The following CEMIP variants were observed in gnomAD, a reference collection of about 807,000 sequenced individuals.
CEMIP encodes cell migration inducing hyaluronidase 1.
A neutral mutation model predicts 156.9 loss-of-function variants in CEMIP; 105 were observed. The ratio of observed to expected loss-of-function variants is 0.67; its 90% CI spans 0.57 to 0.79. CEMIP has a LOEUF of 0.79. Ranked by LOEUF, CEMIP falls within the 30% of genes least tolerant of loss-of-function variation. The pLI, the probability that CEMIP is intolerant of heterozygous loss-of-function variation, is 0.00. For missense variants in CEMIP, 1,457 were observed against 1,769.4 expected (o/e 0.82, Z 3.17); for synonymous variants, 676 against 668.4 (o/e 1.01, Z -0.17).
intron 12 of CEMIP, among the ~76,000 whole-genome samples, chr15:80,902,617 G>C (rs1265984248): frequency 6.6e-6 from 1 of 152,192 alleles, no homozygotes; most frequent in African/African-American, 2.4e-5. Flanking sequence ...AGACGGCTGT[G>C]GGACTGAAAT....
intron 1 of CEMIP, among the ~76,000 whole-genome samples, chr15:80,804,985 C>T (rs1366075688): frequency 6.6e-6 from 1 of 152,176 alleles, no homozygotes; most frequent in Non-Finnish European, 1.5e-5. Flanking sequence ...CACATGGCTG[C>T]ACGGAGAACT....
chr15:80,945,808 T>G (rs1180460362), intron 28 of CEMIP, among the ~76,000 whole-genome samples: 1 of 152,232 alleles, frequency 6.6e-6, no homozygotes, highest in Non-Finnish European at 1.5e-5. Context: ...AGGTGCTCAC[T>G]TCCTCCTATC....
At chr15:80,876,648 G>A (rs574871799) in intron 3 of CEMIP, among the ~76,000 whole-genome samples, 2 of 152,362 alleles carry the variant, frequency 1.3e-5, no homozygotes, top group East Asian at 1.9e-4. Context: ...CGGACACTAA[G>A]TGCCTGCACT....
At chr15:80,911,258 C>G (rs922858045) in intron 14 of CEMIP, among the ~76,000 whole-genome samples, 1 of 152,198 alleles carries the variant, frequency 6.6e-6, no homozygotes, top group Non-Finnish European at 1.5e-5. Context: ...GATGCAGTCA[C>G]ACCTTTCTCA....
intron 1 of CEMIP, among the ~76,000 whole-genome samples, chr15:80,866,189 G>A (rs1898121499): frequency 6.6e-6 from 1 of 152,146 alleles, no homozygotes; most frequent in African/African-American, 2.4e-5. Flanking sequence ...AGTCCGTGAG[G>A]GTGAATTTCT....
chr15:80,835,406 C>T (rs186475751), intron 1 of CEMIP, among the ~76,000 whole-genome samples: 151 of 152,318 alleles, frequency 9.9e-4, no homozygotes, highest in African/African-American at 3.4e-3. Flanking sequence ...CTAACCAGGC[C>T]CAAGACAGGG....
At chr15:80,895,740 A>G in intron 11 of CEMIP, 129 bp from the exon 12 acceptor site, 1 of 807,808 alleles carries the variant, frequency 1.2e-6, no homozygotes, top group Non-Finnish European at 2.1e-6. Context: ...GGAGCAAGCC[A>G]GTGATCTGGG....
At chr15:80,888,563 T>A (rs1434488256) in intron 8 of CEMIP, 138 bp from the exon 9 acceptor site, 1 of 687,560 alleles carries the variant, frequency 1.5e-6, no homozygotes, top group Non-Finnish European at 2.6e-6. Flanking sequence ...GTCCTAATTT[T>A]CTTTTATTTA....
At chr15:80,845,337 G>A (rs543599175) in intron 1 of CEMIP, among the ~76,000 whole-genome samples, 6 of 152,144 alleles carry the variant, frequency 3.9e-5, no homozygotes, top group East Asian at 1.9e-4. Flanking sequence ...AGGCTGAGGC[G>A]GGAGGATCTC....
rs559948152 is a variant in CEMIP at position 80,950,183 on chromosome 15, A to C, written c.*1259A>C. 1 of 152,380 alleles carries C rather than the reference A, an allele frequency of 6.6e-6. No homozygotes were observed. The highest frequency in any genetic ancestry group is 6.5e-5 in the Admixed American group (1 of 15,304). The allele number at this position is 152,380 out of a possible 1,614,324, so 9.4% of individuals were successfully genotyped here. On this transcript the variant is annotated 3_prime_UTR_variant, in exon 30 of 30. Coordinates refer to ENST00000394685, the MANE Select transcript of CEMIP (RefSeq NM_001293298.2). ...TCGTACTCCCTCGGCCTGGGATTTC[A>C]GAGCTGGAAATATAGAAAATATCTA...
At chr15:80,789,865 C>G (rs1329939255) in intron 1 of CEMIP, among the ~76,000 whole-genome samples, 1 of 152,196 alleles carries the variant, frequency 6.6e-6, no homozygotes, top group African/African-American at 2.4e-5. Context: ...CTATTTTTGA[C>G]ATACAAAAAG....
intron 19 of CEMIP, among the ~76,000 whole-genome samples, chr15:80,926,513 A>G (rs1383129407): frequency 6.6e-6 from 1 of 152,206 alleles, no homozygotes; most frequent in Non-Finnish European, 1.5e-5. Flanking sequence ...AAAGGGAACA[A>G]GAGAAATTGA....
chr15:80,864,053 G>C (rs1898056300), intron 1 of CEMIP, among the ~76,000 whole-genome samples: 1 of 152,086 alleles, frequency 6.6e-6, no homozygotes, highest in Admixed American at 6.5e-5. Context: ...AATGAGCCAG[G>C]CTGCCGCGCA....
chr15:80,799,790 G>A (rs1469035088), intron 1 of CEMIP, among the ~76,000 whole-genome samples: 1 of 152,072 alleles, frequency 6.6e-6, no homozygotes. Context: ...ATAACCAGAG[G>A]TCTTCATCTT....
chr15:80,848,899 T>TGC (rs1897632642), intron 1 of CEMIP, among the ~76,000 whole-genome samples: 1 of 8,676 alleles, frequency 1.2e-4, no homozygotes, highest in African/African-American at 4.8e-4. Flanking sequence ...CGTGTGCGCG[T>TGC]GCACACACAC....
intron 1 of CEMIP, among the ~76,000 whole-genome samples, chr15:80,808,640 G>T (rs1342083881): frequency 6.6e-6 from 1 of 151,926 alleles, no homozygotes. Context: ...AGCATGGAAA[G>T]GTAGAGAAAA....
At chr15:80,780,822 G>T (rs1375005215) in intron 1 of CEMIP, among the ~76,000 whole-genome samples, 1 of 152,126 alleles carries the variant, frequency 6.6e-6, no homozygotes, top group Admixed American at 6.5e-5. Context: ...CGGGGTCTGT[G>T]GCCCTGGGTC....
At chr15:80,944,262 A>T (rs1203654391) in intron 28 of CEMIP, among the ~76,000 whole-genome samples, 2 of 152,230 alleles carry the variant, frequency 1.3e-5, no homozygotes, top group East Asian at 3.8e-4. Flanking sequence ...CCTGGGTGAC[A>T]CAGCAAGACT....
intron 1 of CEMIP, among the ~76,000 whole-genome samples, chr15:80,780,813 G>T (rs1422782743): frequency 6.6e-6 from 1 of 152,146 alleles, no homozygotes; most frequent in African/African-American, 2.4e-5. Context: ...TCCTCCACTC[G>T]GGGTCTGTGG....
Sources: allele counts gnomAD v4.1 joint callset (sites outside exome capture counted in the v4.1 genomes callset), GRCh38; gene constraint gnomAD v4.1.1; transcripts MANE v1.5; gene names NCBI Gene and HGNC (gene_info 2026-07-23, HGNC 2026-07-21).